Variants in MACROH2A1 observed in about 807,000 individuals in gnomAD.
MACROH2A1 encodes the protein core histone macro-H2A.1.
MACROH2A1 carries 2 observed loss-of-function variants against 31.6 expected under a neutral mutation model. The ratio of observed to expected loss-of-function variants is 0.06; its 90% CI spans 0.03 to 0.20. The LOEUF (loss-of-function observed/expected upper bound fraction) is 0.20, where lower values mean the gene tolerates loss of function less well. Among genes scored for constraint, MACROH2A1 ranks in the 10% least tolerant of loss-of-function variants. The probability of loss-of-function intolerance (pLI) is 1.00; values close to 1 mark genes in which losing one functional copy is unlikely to be tolerated. For synonymous variants in MACROH2A1, 169 were observed against 189.6 expected (o/e 0.89, Z 0.89); for missense variants, 230 against 474.0 (o/e 0.49, Z 4.78).
At chr5:135,352,712 G>A (rs906938759) in intron 6 of MACROH2A1, among the ~76,000 whole-genome samples, 2 of 152,196 alleles carry the variant, frequency 1.3e-5, no homozygotes, top group African/African-American at 2.4e-5. Context: ...GAATTCAGAT[G>A]GCAATGTATT....
chr5:135,394,861 C>T (rs1043813731), intron 1 of MACROH2A1, among the ~76,000 whole-genome samples: 2 of 152,190 alleles, frequency 1.3e-5, no homozygotes, highest in Admixed American at 1.3e-4. Flanking sequence ...TACAAGGTAG[C>T]TGATTAGTTG....
At chr5:135,352,168 G>T (rs1169837019) in intron 6 of MACROH2A1, among the ~76,000 whole-genome samples, 1 of 152,252 alleles carries the variant, frequency 6.6e-6, no homozygotes, top group African/African-American at 2.4e-5. Flanking sequence ...GCATCTGTGT[G>T]CCTATTTCCC....
chr5:135,365,761 G>A (rs1375303155), intron 4 of MACROH2A1, among the ~76,000 whole-genome samples: 1 of 152,230 alleles, frequency 6.6e-6, no homozygotes, highest in East Asian at 1.9e-4. Context: ...GCCTCAGTAA[G>A]TTCACTTTGA....
rs73294529 is a variant in MACROH2A1 at position 135,380,223 on chromosome 5, T to C, written c.172+8699A>G. On this transcript the variant is annotated intron_variant, in intron 2 of 8. Transcript: ENST00000511689. The stretch of plus-strand genomic sequence containing the variant: ...ATATCTGGCCTTGTGCTGGGAGCTG[T>C]ATACAAAGGTGAGGGAGGGGTGGGG... Among the ~76,000 whole-genome samples, 782 of 152,018 alleles carry C rather than the reference T, an allele frequency of 5.1e-3. 8 individuals carry two copies. The highest frequency in any genetic ancestry group is 0.017 in the African/African-American group (722 of 41,438).
Position 135,388,903 on chromosome 5 carries a change from T to C in MACROH2A1, c.172+19A>G. The C allele has an allele frequency of 6.4e-7, 1 of 1,571,788 alleles. No homozygotes were observed. Among genetic ancestry groups the C allele is most frequent in the Non-Finnish European group, 8.7e-7 (1 of 1,148,136 alleles). On this transcript the variant is annotated intron_variant, in intron 2 of 8. Transcript: ENST00000511689. ...GCATCTTAAGCCAGTGGTGTCTGGG[T>C]TGACTGAGGTACACTCACCTGTCAG...
intron 5 of MACROH2A1, chr5:135,354,481 AGAG>A (rs1761940300): frequency 6.5e-6 from 1 of 152,708 alleles, no homozygotes; most frequent in Non-Finnish European, 1.5e-5. Flanking sequence ...GACTCAGAGA[AGAG>A]GACCAAGTAT....
chr5:135,335,168 C>T, intron 8 of MACROH2A1, 27 bp from the exon 9 acceptor site: 2 of 1,598,956 alleles, frequency 1.3e-6, no homozygotes, highest in Admixed American at 1.7e-5. Context: ...AAGCACTCAG[C>T]AACTGGGATG....
At chr5:135,336,205 T>TA (rs950699196) in intron 8 of MACROH2A1, among the ~76,000 whole-genome samples, 1 of 152,200 alleles carries the variant, frequency 6.6e-6, no homozygotes, top group Non-Finnish European at 1.5e-5. Context: ...GTATCTACTG[T>TA]AGTACTGCTA....
intron 8 of MACROH2A1, among the ~76,000 whole-genome samples, chr5:135,341,815 A>G (rs1175336220): frequency 6.6e-6 from 1 of 152,260 alleles, no homozygotes; most frequent in East Asian, 1.9e-4. Flanking sequence ...AGTTCAGGAC[A>G]TGGTTCTGAG....
intron 7 of MACROH2A1, chr5:135,343,703 T>C (rs1396253792): frequency 1.2e-5 from 6 of 484,862 alleles, no homozygotes; most frequent in Non-Finnish European, 7.5e-6. Flanking sequence ...TCAGAAAGCA[T>C]ACACGGTTCT....
At chr5:135,372,779 G>A (rs769020401) in intron 2 of MACROH2A1, among the ~76,000 whole-genome samples, 1 of 152,222 alleles carries the variant, frequency 6.6e-6, no homozygotes, top group African/African-American at 2.4e-5. Context: ...CAGCCACGAT[G>A]GGTGCTGGGC....
chr5:135,351,853 G>A (rs1440179907), intron 6 of MACROH2A1, among the ~76,000 whole-genome samples: 1 of 151,626 alleles, frequency 6.6e-6, no homozygotes, highest in African/African-American at 2.4e-5. Flanking sequence ...GTGAGCCACT[G>A]CACCTGGCCT....
intron 8 of MACROH2A1, among the ~76,000 whole-genome samples, chr5:135,339,248 G>C (rs1365472271): frequency 6.6e-6 from 1 of 152,218 alleles, no homozygotes; most frequent in Non-Finnish European, 1.5e-5. Flanking sequence ...GCCAGTGCAA[G>C]ATGCCCTCTT....
chr5:135,373,944 T>C (rs1764515054), intron 2 of MACROH2A1, among the ~76,000 whole-genome samples: 1 of 152,148 alleles, frequency 6.6e-6, no homozygotes, highest in South Asian at 2.1e-4. Context: ...ATAGTTACCA[T>C]AGTAACCCCA....
chr5:135,341,490 G>A (rs1212077076), intron 8 of MACROH2A1, among the ~76,000 whole-genome samples: 3 of 152,240 alleles, frequency 2.0e-5, no homozygotes, highest in Non-Finnish European at 4.4e-5. Context: ...AGGTTCAGGT[G>A]CAACCAGAGA....
chr5:135,379,078 C>T (rs1765295947), intron 2 of MACROH2A1, among the ~76,000 whole-genome samples: 1 of 152,220 alleles, frequency 6.6e-6, no homozygotes, highest in Admixed American at 6.5e-5. Flanking sequence ...CCACAAGGAG[C>T]ATCAATCAGA....
At chr5:135,344,292 T>C (rs1489806204) in intron 7 of MACROH2A1, 1 of 152,204 alleles carries the variant, frequency 6.6e-6, no homozygotes, top group African/African-American at 2.4e-5. Context: ...TACGCTTCTA[T>C]ACAAGAGCAC....
intron 1 of MACROH2A1, among the ~76,000 whole-genome samples, chr5:135,390,770 G>C (rs1254230545): frequency 6.6e-6 from 1 of 152,186 alleles, no homozygotes; most frequent in Non-Finnish European, 1.5e-5. Flanking sequence ...GACATTGTCA[G>C]GACATGCCAC....
At chr5:135,364,869 T>C (rs1355452464) in intron 4 of MACROH2A1, among the ~76,000 whole-genome samples, 4 of 152,228 alleles carry the variant, frequency 2.6e-5, no homozygotes, top group Non-Finnish European at 5.9e-5. Flanking sequence ...TTTAAATATT[T>C]ATTCCTCAAC....
Sources: gnomAD v4.1 joint callset for allele counts (sites outside exome capture counted in the v4.1 genomes callset) on GRCh38, gnomAD v4.1.1 for gene constraint, MANE v1.5 for transcripts, NCBI Gene and HGNC (gene_info 2026-07-23, HGNC 2026-07-21) for gene names.